Variants in MMP24 observed in about 807,000 individuals in gnomAD.
The protein encoded by MMP24 is matrix metalloproteinase-24.
MMP24 carries 25 observed loss-of-function variants against 62.8 expected under a neutral mutation model. The observed-to-expected ratio is 0.40, with a 90% CI of 0.29 to 0.56. The LOEUF (loss-of-function observed/expected upper bound fraction) is 0.56. MMP24 is among the 20% of genes least tolerant of loss of function. The probability of loss-of-function intolerance (pLI) is 0.50; values close to 1 mark genes in which losing one functional copy is unlikely to be tolerated. For synonymous variants in MMP24, 319 were observed against 350.5 expected (o/e 0.91, Z 1.00); for missense variants, 634 against 853.6 (o/e 0.74, Z 3.21).
intron 2 of MMP24, among the ~76,000 whole-genome samples, chr20:35,249,477 T>C (rs1240351671): frequency 6.6e-6 from 1 of 152,246 alleles, no homozygotes; most frequent in East Asian, 1.9e-4. Flanking sequence ...TAATGAATAG[T>C]TCATTTTTTC....
chr20:35,274,398 G>A lies in MMP24; in HGVS notation c.1727G>A (p.Arg576Gln), dbSNP rs373027505. Residue 576 changes from arginine (R) to glutamine (Q), a missense_variant, in exon 9 of 9, where the codon CGG (arginine) becomes CAG (glutamine). Arg to Gln is a conservative substitution (Grantham distance 43, BLOSUM62 1). Around this residue, in one of 3 missense-constraint regions of MMP24, gnomAD observed 399 missense variants for 530.8 expected, o/e 0.75. Coordinates refer to ENST00000246186, the MANE Select transcript of MMP24 (RefSeq NM_006690.4). The surrounding 1 kb of genome is among the most constrained non-coding windows in gnomAD (Gnocchi z 5.1). ...GGCTGCAACCAGAAGGAGGTGGAGC[G>A]GCGGAAGGAGCGGCGGCTGCCCCAG... ...WMGCNQKEVE[R>Q]RKERRLPQDD... is the part of the protein sequence containing the mutation. The A allele has an allele frequency of 2.5e-4, 396 of 1,613,794 alleles. No individual in the cohort carries two copies. The highest frequency in any genetic ancestry group is 3.1e-4 in the Non-Finnish European group (366 of 1,179,834).
rs569550271 is a variant in MMP24, at chr20:35,268,854, C to T, written c.1195-906C>T. 3.3e-4 allele frequency among the ~76,000 whole-genome samples: 50 copies of T among 152,146 alleles called. 1 individual carries two copies. In the East Asian group the frequency reaches 4.8e-3, roughly 15 times the overall value. ...CATCCTGGCTAACATGGTGAAACCC[C>T]ATCTCTACTAAAAATATAAAAAATT... On this transcript the variant is annotated intron_variant, in intron 6 of 8. Transcript: ENST00000246186.
chr20:35,268,137 G>C (rs894163432), intron 6 of MMP24: 1 of 152,480 alleles, frequency 6.6e-6, no homozygotes, highest in Non-Finnish European at 1.5e-5. Context: ...CTGGGGCTAC[G>C]GTGGCCTGTC....
At chr20:35,242,049 C>T (rs2060490707) in intron 1 of MMP24, among the ~76,000 whole-genome samples, 1 of 152,174 alleles carries the variant, frequency 6.6e-6, no homozygotes, top group Non-Finnish European at 1.5e-5. Context: ...CATATTAAAA[C>T]ATAATGTCTT....
At chr20:35,251,838 A>C in intron 2 of MMP24, 67 bp from the exon 3 acceptor site, 1 of 1,273,816 alleles carries the variant, frequency 7.9e-7, no homozygotes, top group East Asian at 2.3e-5. Context: ...GGGAATAGGC[A>C]GTCCCTTCCT....
chr20:35,227,134 C>A, intron 1 of MMP24, 150 bp downstream of exon 1: 1 of 626,494 alleles, frequency 1.6e-6, no homozygotes, highest in African/African-American at 2.0e-5. Context: ...TCCGGGCTGG[C>A]GCGGCCCAGG....
intron 4 of MMP24, among the ~76,000 whole-genome samples, chr20:35,259,726 G>A (rs2060592846): frequency 6.6e-6 from 1 of 152,114 alleles, no homozygotes; most frequent in Non-Finnish European, 1.5e-5. Flanking sequence ...AAGAAATGAG[G>A]CAGAGACAAG....
At chr20:35,238,834 T>C (rs528001161) in intron 1 of MMP24, among the ~76,000 whole-genome samples, 7 of 152,204 alleles carry the variant, frequency 4.6e-5, no homozygotes, top group African/African-American at 1.7e-4. Flanking sequence ...ACAGCACTTA[T>C]TCCCACATGG....
At chr20:35,268,666 C>T (rs1167456846) in intron 6 of MMP24, among the ~76,000 whole-genome samples, 1 of 152,260 alleles carries the variant, frequency 6.6e-6, no homozygotes, top group Non-Finnish European at 1.5e-5. Flanking sequence ...ACTCATTCTA[C>T]TTTGATCCAA....
At position 35,271,610 on chromosome 20, in the gene MMP24, G is replaced by C. The variant is rs772980273; in HGVS notation, c.1375G>C (p.Gly459Arg). ...GTTTAAGGAGGTGACGGTGGAGCCT[G>C]GGTACCCCCACAGCCTGGGGGAGCT... ...WVFKEVTVEP[G>R]YPHSLGELGS... The change falls in exon 8 of 9, where the codon GGG (glycine) becomes CGG (arginine). Residue 459 changes from glycine (G) to arginine (R), a missense_variant. Physicochemically the swap from Gly to Arg is moderately radical, Grantham distance 125 (BLOSUM62 -2). Transcript: ENST00000246186. The surrounding 1 kb of genome is among the most constrained non-coding windows in gnomAD (Gnocchi z 4.0). 6.2e-7 allele frequency: 1 copy of C among 1,612,720 alleles called. No homozygotes were observed. The highest frequency in any genetic ancestry group is 1.1e-5 in the South Asian group (1 of 90,664).
intron 1 of MMP24, among the ~76,000 whole-genome samples, chr20:35,243,770 G>A (rs1328169151): frequency 2.6e-5 from 4 of 152,196 alleles, no homozygotes; most frequent in Admixed American, 6.5e-5. Flanking sequence ...TAATTTATGG[G>A]CTGAACCTTA....
In MMP24 at chr20:35,274,313, G is replaced by A; in HGVS notation, c.1642G>A (p.Asp548Asn). ...CAAGGGCCGGGACTACTGGAAGTTT[G>A]ACAACCAGAAACTGAGCGTGGAGCC... ...FYKGRDYWKF[D>N]NQKLSVEPGY... The change falls in exon 9 of 9, where the codon GAC (aspartate) becomes AAC (asparagine). Residue 548 changes from aspartate (D) to asparagine (N), a missense_variant. Asp to Asn is a conservative substitution (Grantham distance 23). Coordinates refer to ENST00000246186, the MANE Select transcript of MMP24 (RefSeq NM_006690.4). The surrounding 1 kb of genome is among the most constrained non-coding windows in gnomAD (Gnocchi z 5.1). The A allele has an allele frequency of 1.2e-6, 2 of 1,613,330 alleles. No individual in the cohort carries two copies. The highest frequency in any genetic ancestry group is 1.7e-6 in the Non-Finnish European group (2 of 1,179,832).
chr20:35,250,562 C>CA (rs78628104), intron 2 of MMP24, among the ~76,000 whole-genome samples: 9,559 of 118,520 alleles, frequency 0.081, 776 homozygotes, highest in African/African-American at 0.23. Context: ...GACTCTGTCT[C>CA]AAAAAAAAAA....
chr20:35,269,025 TAAAA>T lies in MMP24; in HGVS notation c.1195-723_1195-720del, dbSNP rs554703879. Among the ~76,000 whole-genome samples, 1 of 136,486 alleles carries T rather than the reference TAAAA, an allele frequency of 7.3e-6. No homozygotes were observed. 89.5% of individuals were successfully genotyped at this position (136,486 alleles called of 152,430 possible). A position where few individuals can be genotyped will look rare whatever the true frequency, so the allele number is the denominator to read the frequency against. Reference sequence around the variant, plus strand: ...CTGGGTGACAGAGCGAGACTCCATCTAAAAAAAAAAAAAAAGAAAGAAAACTGAG... The same window carrying T: ...CTGGGTGACAGAGCGAGACTCCATCTAAAAAAAAAAAGAAAGAAAACTGAG... On this transcript the variant is annotated intron_variant, in intron 6 of 8. Transcript: ENST00000246186. This position sits in a 1 kb window ranked among gnomAD's most constrained non-coding sequence, Gnocchi z 4.6.
At chr20:35,235,027 C>T (rs1006612648) in intron 1 of MMP24, among the ~76,000 whole-genome samples, 11 of 152,212 alleles carry the variant, frequency 7.2e-5, no homozygotes, top group Admixed American at 5.9e-4. Context: ...GCTTCACAGT[C>T]AATCCACTTA....
chr20:35,234,975 G>A (rs1443061675), intron 1 of MMP24, among the ~76,000 whole-genome samples: 1 of 152,236 alleles, frequency 6.6e-6, no homozygotes, highest in East Asian at 1.9e-4. Context: ...TCATGCTAAA[G>A]AATCTGGACT....
chr20:35,273,364 C>G (rs2060683827), intron 8 of MMP24, among the ~76,000 whole-genome samples: 1 of 151,216 alleles, frequency 6.6e-6, no homozygotes, highest in South Asian at 2.1e-4. Flanking sequence ...CCACTGTACT[C>G]CAGCCTAGGC....
At position 35,226,839 on chromosome 20, in the gene MMP24, G is replaced by GGCTGCTGCT; in HGVS notation, c.113_121dup (p.Leu38_Leu40dup). The GGCTGCTGCT allele has an allele frequency of 1.0e-6, 1 of 968,260 alleles. No homozygotes were observed. Among genetic ancestry groups the GGCTGCTGCT allele is most frequent in the Non-Finnish European group, 1.2e-6 (1 of 822,368 alleles). The allele number at this position is 968,260 out of a possible 1,614,324, so 60.0% of individuals were successfully genotyped here. ...TGGAGCCGCTGGCGGGTCCCTGGGC[G>GGCTGCTGCT]GCTGCTGCTGCTGCTGCTGCCCGCG... On this transcript the variant is annotated inframe_insertion, in exon 1 of 9. Coordinates refer to ENST00000246186, the MANE Select transcript of MMP24 (RefSeq NM_006690.4).
At chr20:35,273,085 G>A (rs144515197) in intron 8 of MMP24, among the ~76,000 whole-genome samples, 12 of 152,274 alleles carry the variant, frequency 7.9e-5, no homozygotes, top group African/African-American at 2.9e-4. Context: ...ACTTGCAGAC[G>A]TCCAAGTCTA....
Sources: allele counts gnomAD v4.1 joint callset (sites outside exome capture counted in the v4.1 genomes callset), GRCh38; gene constraint gnomAD v4.1.1; regional missense constraint gnomAD v4.1.1; non-coding constraint Gnocchi (gnomAD v3.1); transcripts MANE v1.5; gene names NCBI Gene and HGNC (gene_info 2026-07-23, HGNC 2026-07-21).